SNX13: variants seen among roughly 807,000 people sequenced by gnomAD.
The protein encoded by SNX13 is sorting nexin 13.
In SNX13, 45 loss-of-function variants were observed where a neutral mutation model predicts 133.6. The observed-to-expected ratio is 0.34, with a 90% CI of 0.27 to 0.43. The LOEUF is 0.43. Among genes scored for constraint, SNX13 ranks in the 20% least tolerant of loss-of-function variants. The probability of loss-of-function intolerance (pLI) is 1.00; values close to 1 mark genes in which losing one functional copy is unlikely to be tolerated. For synonymous variants in SNX13, 414 were observed against 373.9 expected (o/e 1.11, Z -1.24); for missense variants, 1,032 against 1,145.1 (o/e 0.90, Z 1.43).
At chr7:17,811,463 G>A (rs1786013998) in intron 20 of SNX13, among the ~76,000 whole-genome samples, 1 of 152,082 alleles carries the variant, frequency 6.6e-6, no homozygotes, top group Non-Finnish European at 1.5e-5. Flanking sequence ...CATCTTTAAG[G>A]AGAACTACAA....
At chr7:17,873,677 G>T in intron 7 of SNX13, 61 bp from the exon 8 acceptor site, 1 of 983,416 alleles carries the variant, frequency 1.0e-6, no homozygotes, top group South Asian at 1.9e-5. Context: ...ACTTCCTCTT[G>T]ATATATAAGA....
intron 20 of SNX13, among the ~76,000 whole-genome samples, chr7:17,805,211 T>TGTGTGTGTGTGTG (rs756302031): frequency 1.7e-5 from 2 of 118,492 alleles, no homozygotes; most frequent in African/African-American, 6.7e-5. Flanking sequence ...TAATGATTCT[T>TGTGTGTGTGTGTG]TGTGTGTGTG....
intron 9 of SNX13, among the ~76,000 whole-genome samples, chr7:17,867,336 A>G (rs977458206): frequency 5.9e-5 from 9 of 152,100 alleles, no homozygotes; most frequent in African/African-American, 2.2e-4. Flanking sequence ...GCCAGGCACA[A>G]TGGCTCACAC....
intron 8 of SNX13, among the ~76,000 whole-genome samples, chr7:17,870,174 G>T (rs1793908713): frequency 6.6e-6 from 1 of 152,040 alleles, no homozygotes; most frequent in Non-Finnish European, 1.5e-5. Context: ...GTCAAACATG[G>T]GGCCTAAAAG....
chr7:17,843,520 A>T (rs1271755939), intron 12 of SNX13, among the ~76,000 whole-genome samples: 2 of 152,010 alleles, frequency 1.3e-5, no homozygotes, highest in Non-Finnish European at 2.9e-5. Context: ...TAACGGATAG[A>T]CCCAGACAGA....
Position 17,803,478 on chromosome 7 carries a change from C to T in SNX13, c.2167G>A (p.Asp723Asn). 1 of 1,612,550 alleles carries T rather than the reference C, an allele frequency of 6.2e-7. No homozygotes were observed. Among genetic ancestry groups the T allele is most frequent in the Non-Finnish European group, 8.5e-7 (1 of 1,179,214 alleles). The change falls in exon 21 of 26, where the codon GAC (aspartate) becomes AAC (asparagine). Residue 723 changes from aspartate to asparagine, a missense_variant. Asp to Asn is a conservative substitution (Grantham distance 23). Coordinates refer to ENST00000428135, the MANE Select transcript of SNX13 (RefSeq NM_015132.5). ...CTTTCTGACATTTTGCCCATGTTGT[C>T]TGACATTTTAGTCATTCCCTCTGCC... ...SLAEGMTKMS[D>N]NMGKMSERLG...
chr7:17,848,260 T>G (rs2128323925), intron 11 of SNX13, among the ~76,000 whole-genome samples: 1 of 152,158 alleles, frequency 6.6e-6, no homozygotes, highest in East Asian at 1.9e-4. Context: ...CCCGCCCCAT[T>G]CCCCTTTTCA....
intron 20 of SNX13, among the ~76,000 whole-genome samples, chr7:17,808,784 G>C (rs916375091): frequency 1.3e-5 from 2 of 152,162 alleles, no homozygotes; most frequent in African/African-American, 4.8e-5. Context: ...AGCCAGAAGA[G>C]AGTGAGGGCC....
At chr7:17,892,983 G>C (rs932889414) in intron 3 of SNX13, among the ~76,000 whole-genome samples, 1 of 152,000 alleles carries the variant, frequency 6.6e-6, no homozygotes, top group Admixed American at 6.5e-5. Flanking sequence ...TGATTCCTCT[G>C]CAATTTATTT....
chr7:17,920,577 G>A (rs1000036935), intron 1 of SNX13, among the ~76,000 whole-genome samples: 3 of 152,142 alleles, frequency 2.0e-5, no homozygotes, highest in Non-Finnish European at 4.4e-5. Context: ...CAGAAATCAA[G>A]TTACGTGTCA....
rs760179587 is a variant in SNX13, at chr7:17,893,383, T to C, written c.177A>G (p.Leu59=). The change falls in exon 3 of 26, where the codon CTA becomes CTG. Residue 59 remains leucine (L), a synonymous_variant. Transcript: ENST00000428135. The part of the protein sequence containing the change: ...LFGKTNSEKY[L]EQCEHSFLPP... ...GAAGAAATGAGTGTTCACACTGTTC[T>C]AGGTACTTCTCTGAGTTTGTTTTTC... 1.3e-6 allele frequency: 2 copies of C among 1,577,328 alleles called. No individual in the cohort carries two copies. The highest frequency in any genetic ancestry group is 1.2e-5 in the South Asian group (1 of 85,786).
At chr7:17,867,319 AACAGCAGCCAGGCACAAT>A (rs1195125804) in intron 9 of SNX13, among the ~76,000 whole-genome samples, 6 of 152,144 alleles carry the variant, frequency 3.9e-5, no homozygotes, top group African/African-American at 1.4e-4. Context: ...AAAATAAAAC[AACAGCAGCCAGGCACAAT>A]GGCTCACACC....
chr7:17,882,795 G>A lies in SNX13; in HGVS notation c.441-7005C>T, dbSNP rs113748584. 22 of 1,239,948 alleles carry A rather than the reference G, an allele frequency of 1.8e-5. No individual in the cohort carries two copies. In the African/African-American group the frequency reaches 2.1e-4, roughly 12 times the overall value. The allele number at this position is 1,239,948 out of a possible 1,614,324, so 76.8% of individuals were successfully genotyped here. A position where few individuals can be genotyped will look rare whatever the true frequency, so the allele number is the denominator to read the frequency against. On this transcript the variant is annotated intron_variant, in intron 5 of 25. Transcript: ENST00000428135. ...TCTCAAATCACTACCACAATTCCCT[G>A]TAATTTCAGAGCCAGAATTTAAATT...
In SNX13 at chr7:17,845,707, G is replaced by C; in HGVS notation, c.1066-13C>G. 1 of 1,507,696 alleles carries C rather than the reference G, an allele frequency of 6.6e-7. No individual in the cohort carries two copies. Among genetic ancestry groups the C allele is most frequent in the Non-Finnish European group, 9.0e-7 (1 of 1,106,982 alleles). 93.4% of individuals were successfully genotyped at this position (1,507,696 alleles called of 1,614,324 possible). A position where few individuals can be genotyped will look rare whatever the true frequency, so the allele number is the denominator to read the frequency against. On this transcript the variant is annotated splice_polypyrimidine_tract_variant and intron_variant, in intron 11 of 25. Transcript: ENST00000428135. ...CAGTATTTATTTCCTACAGGCAAAA[G>C]TGAATATAAGTTAATATTTTATCTA...
At chr7:17,822,650 G>T (rs529441052) in intron 17 of SNX13, among the ~76,000 whole-genome samples, 1 of 152,180 alleles carries the variant, frequency 6.6e-6, no homozygotes, top group Non-Finnish European at 1.5e-5. Context: ...ATTGTGGTTC[G>T]TATTTCTTTC....
chr7:17,823,679 A>G (rs1024798361), intron 17 of SNX13, among the ~76,000 whole-genome samples: 1 of 152,186 alleles, frequency 6.6e-6, no homozygotes, highest in Non-Finnish European at 1.5e-5. Context: ...TTGTCCAGTT[A>G]TCTTTCTCTC....
At chr7:17,867,765 A>T (rs921227642) in intron 9 of SNX13, among the ~76,000 whole-genome samples, 58 of 152,292 alleles carry the variant, frequency 3.8e-4, no homozygotes, top group African/African-American at 1.3e-3. Context: ...GATTTAAGAA[A>T]ATAAATCAAA....
intron 22 of SNX13, among the ~76,000 whole-genome samples, chr7:17,799,743 G>A (rs901796751): frequency 4.0e-5 from 6 of 151,722 alleles, no homozygotes; most frequent in Non-Finnish European, 7.4e-5. Context: ...ATAAAAGTCA[G>A]TATTATGGGA....
At chr7:17,887,645 G>C (rs1401777424) in intron 5 of SNX13, among the ~76,000 whole-genome samples, 3 of 152,148 alleles carry the variant, frequency 2.0e-5, no homozygotes, top group African/African-American at 7.2e-5. Flanking sequence ...AGAAGTAATA[G>C]AGCTAAGCTC....
Sources: gnomAD v4.1 joint callset for allele counts (sites outside exome capture counted in the v4.1 genomes callset) on GRCh38, gnomAD v4.1.1 for gene constraint, MANE v1.5 for transcripts, NCBI Gene and HGNC (gene_info 2026-07-23, HGNC 2026-07-21) for gene names.